The following KHDRBS2 variants were observed in gnomAD, a reference collection of about 807,000 sequenced individuals.
KHDRBS2 encodes KH domain-containing, RNA-binding, signal transduction-associated protein 2.
A neutral mutation model predicts 44.3 loss-of-function variants in KHDRBS2; 26 were observed. The observed-to-expected ratio is 0.59, with a 90% CI of 0.43 to 0.81. The LOEUF (loss-of-function observed/expected upper bound fraction) is 0.81. Among genes scored for constraint, KHDRBS2 ranks in the 40% least tolerant of loss-of-function variants. KHDRBS2 has a pLI of 0.00. For missense variants in KHDRBS2, 476 were observed against 433.1 expected, an observed-to-expected ratio of 1.10 and a Z score of -0.88; for synonymous variants, 194 against 151.1, an observed-to-expected ratio of 1.28 and a Z score of -2.08.
At chr6:61,701,090 G>C (rs913870420) in intron 7 of KHDRBS2, among the ~76,000 whole-genome samples, 25 of 151,994 alleles carry the variant, frequency 1.6e-4, no homozygotes, top group Admixed American at 4.6e-4. Context: ...GTGAAAAACT[G>C]ATGGCCCTTG....
At chr6:62,198,613 A>G (rs1474375007) in intron 1 of KHDRBS2, among the ~76,000 whole-genome samples, 1 of 152,112 alleles carries the variant, frequency 6.6e-6, no homozygotes, top group Non-Finnish European at 1.5e-5. Flanking sequence ...CAACCAAAAA[A>G]AGTCCAGGAC....
chr6:61,652,892 T>C, the KHDRBS2 span, among the ~76,000 whole-genome samples: 1 of 152,100 alleles, frequency 6.6e-6, no homozygotes. Flanking sequence ...GTTGTGAACA[T>C]GCCGTGAGGA....
At chr6:61,666,880 G>A in the KHDRBS2 span, among the ~76,000 whole-genome samples, 1 of 151,162 alleles carries the variant, frequency 6.6e-6, no homozygotes, top group Non-Finnish European at 1.5e-5. Context: ...CCTCCAGATG[G>A]CTACACTTTC....
chr6:61,736,108 T>C (rs1440007728), intron 6 of KHDRBS2, among the ~76,000 whole-genome samples: 15 of 144,812 alleles, frequency 1.0e-4, no homozygotes, highest in African/African-American at 3.8e-4. Context: ...TCTTTCTTTC[T>C]TTTTTTTTTT....
At chr6:61,559,284 T>A in the KHDRBS2 span, among the ~76,000 whole-genome samples, 1 of 152,052 alleles carries the variant, frequency 6.6e-6, no homozygotes, top group African/African-American at 2.4e-5. Flanking sequence ...TCCATCCTTT[T>A]CTTACCAGTG....
chr6:61,773,995 T>G (rs1305381919), intron 6 of KHDRBS2, among the ~76,000 whole-genome samples: 2 of 152,228 alleles, frequency 1.3e-5, no homozygotes, highest in Non-Finnish European at 2.9e-5. Context: ...TCTGTTCCAT[T>G]GATCTATATA....
intron 3 of KHDRBS2, among the ~76,000 whole-genome samples, chr6:62,021,885 A>G (rs1782385996): frequency 6.6e-6 from 1 of 151,058 alleles, no homozygotes; most frequent in African/African-American, 2.4e-5. Flanking sequence ...ATTTAAAGAG[A>G]CTACGGGTAA....
At chr6:62,002,293 T>C (rs570765130) in intron 3 of KHDRBS2, among the ~76,000 whole-genome samples, 1 of 150,608 alleles carries the variant, frequency 6.6e-6, no homozygotes, top group Non-Finnish European at 1.5e-5. Flanking sequence ...ATTGGATAAG[T>C]GCTTTTCTCA....
At chr6:62,060,467 G>T (rs1395950012) in intron 2 of KHDRBS2, among the ~76,000 whole-genome samples, 1 of 151,702 alleles carries the variant, frequency 6.6e-6, no homozygotes, top group South Asian at 2.1e-4. Flanking sequence ...TAGAGTTTGA[G>T]AAAAAGTGAA....
chr6:61,911,804 T>C (rs1806096535), intron 4 of KHDRBS2, among the ~76,000 whole-genome samples: 1 of 152,074 alleles, frequency 6.6e-6, no homozygotes, highest in East Asian at 1.9e-4. Context: ...GTAAAGAGTA[T>C]ACAATATTGC....
chr6:62,164,564 T>A (rs151049512), intron 2 of KHDRBS2, among the ~76,000 whole-genome samples: 54 of 151,974 alleles, frequency 3.6e-4, no homozygotes, highest in African/African-American at 1.3e-3. Flanking sequence ...CTGTCTTACA[T>A]TTATTTATAT....
chr6:62,230,107 A>T (rs1335779251), intron 1 of KHDRBS2, among the ~76,000 whole-genome samples: 6 of 152,186 alleles, frequency 3.9e-5, no homozygotes, highest in African/African-American at 1.4e-4. Context: ...TGAATGTAGT[A>T]TGTCCTTTAA....
intron 6 of KHDRBS2, among the ~76,000 whole-genome samples, chr6:61,849,131 G>C (rs772597225): frequency 2.0e-5 from 3 of 152,046 alleles, no homozygotes; most frequent in Non-Finnish European, 4.4e-5. Context: ...TAGTGGAACA[G>C]ATAACCACAA....
At chr6:62,098,907 A>G (rs1801240815) in intron 2 of KHDRBS2, among the ~76,000 whole-genome samples, 1 of 151,706 alleles carries the variant, frequency 6.6e-6, no homozygotes, top group South Asian at 2.1e-4. Context: ...TAATTGATGT[A>G]GTCTGCTGTT....
rs761143780 is a variant in KHDRBS2 at position 62,285,960 on chromosome 6, C to T, written c.-12G>A. ...TTCTCCTCTTCCATAGCGCGGACTTCGGATTGTCCCCGGGCGAAGCGCGAG... is the reference window on the plus strand; with the variant it reads ...TTCTCCTCTTCCATAGCGCGGACTTTGGATTGTCCCCGGGCGAAGCGCGAG... On this transcript the variant is annotated 5_prime_UTR_variant, in exon 1 of 9. Transcript: ENST00000281156. The T allele has an allele frequency of 1.8e-5, 28 of 1,566,912 alleles. No individual in the cohort carries two copies. Among genetic ancestry groups the T allele is most frequent in the East Asian group, 1.3e-4 (6 of 44,512 alleles).
chr6:61,759,171 A>C (rs1175019496), intron 6 of KHDRBS2, among the ~76,000 whole-genome samples: 3 of 152,180 alleles, frequency 2.0e-5, no homozygotes, highest in Non-Finnish European at 4.4e-5. Flanking sequence ...TGTTCAAAAG[A>C]GAAAATAAAA....
chr6:62,247,457 A>G (rs1835779548), intron 1 of KHDRBS2, among the ~76,000 whole-genome samples: 1 of 152,006 alleles, frequency 6.6e-6, no homozygotes, highest in South Asian at 2.1e-4. Context: ...GAAGAGAAAG[A>G]GGAGATTTTT....
At chr6:61,659,267 C>T in the KHDRBS2 span, 1 of 151,790 alleles carries the variant, frequency 6.6e-6, no homozygotes, top group Non-Finnish European at 1.5e-5. Context: ...GAGTAAGTCC[C>T]TTTGTCCCCA....
At chr6:62,038,483 T>C (rs1222337422) in intron 3 of KHDRBS2, among the ~76,000 whole-genome samples, 2 of 152,118 alleles carry the variant, frequency 1.3e-5, no homozygotes, top group Non-Finnish European at 2.9e-5. Flanking sequence ...TTCAGATATT[T>C]ATGACTGACA....
Sources: gnomAD v4.1 joint callset for allele counts (sites outside exome capture counted in the v4.1 genomes callset) on GRCh38, gnomAD v4.1.1 for gene constraint, MANE v1.5 for transcripts, NCBI Gene and HGNC (gene_info 2026-07-23, HGNC 2026-07-21) for gene names.